Variants in SEMA6A observed in about 807,000 individuals in gnomAD.
SEMA6A encodes the protein semaphorin 6A.
Under a neutral mutation model 96.8 loss-of-function variants are expected in SEMA6A, and 25 were observed. That is an observed-to-expected ratio of 0.26 (90% CI 0.19 to 0.36). The LOEUF (loss-of-function observed/expected upper bound fraction) is 0.36. Among genes scored for constraint, SEMA6A ranks in the 10% least tolerant of loss-of-function variants. SEMA6A has a pLI of 1.00. For synonymous variants in SEMA6A, 612 were observed against 518.0 expected (o/e 1.18, Z -2.46); for missense variants, 1,363 against 1,323.1 (o/e 1.03, Z -0.47).
intron 1 of SEMA6A, among the ~76,000 whole-genome samples, chr5:116,523,620 A>G (rs980016003): frequency 8.5e-5 from 13 of 152,140 alleles, no homozygotes; most frequent in African/African-American, 3.1e-4. Flanking sequence ...CCTAGACAGC[A>G]GTTTCATATT....
intron 17 of SEMA6A, chr5:116,471,266 T>G (rs1701789523): frequency 6.6e-6 from 1 of 152,192 alleles, no homozygotes; most frequent in Non-Finnish European, 1.5e-5. Context: ...GTAAGTACCT[T>G]TCCTTTTGTA....
chr5:116,556,500 T>G (rs548269978), intron 1 of SEMA6A, among the ~76,000 whole-genome samples: 1 of 152,356 alleles, frequency 6.6e-6, no homozygotes, highest in South Asian at 2.1e-4. Context: ...GTGCATATTG[T>G]TTCATTTAAT....
At chr5:116,513,683 A>T (rs1023635624) in intron 1 of SEMA6A, among the ~76,000 whole-genome samples, 1 of 151,398 alleles carries the variant, frequency 6.6e-6, no homozygotes, top group African/African-American at 2.4e-5. Context: ...TACATAGGTA[A>T]GCGTGTGTCA....
chr5:116,547,063 T>G (rs999142561), intron 1 of SEMA6A, among the ~76,000 whole-genome samples: 5 of 152,222 alleles, frequency 3.3e-5, no homozygotes, highest in Non-Finnish European at 7.4e-5. Context: ...TGATTTCCAT[T>G]AAGTCATTTC....
At chr5:116,526,330 C>A (rs1364814755) in intron 1 of SEMA6A, among the ~76,000 whole-genome samples, 1 of 152,198 alleles carries the variant, frequency 6.6e-6, no homozygotes, top group African/African-American at 2.4e-5. Flanking sequence ...CTGATTCCCA[C>A]TGACAACTAA....
chr5:116,552,368 T>C (rs1308624670), intron 1 of SEMA6A, among the ~76,000 whole-genome samples: 3 of 152,132 alleles, frequency 2.0e-5, no homozygotes, highest in Admixed American at 2.0e-4. Context: ...GGGGAGAAGT[T>C]CTATTTTTCC....
chr5:116,529,868 T>C (rs1759385493), intron 1 of SEMA6A, among the ~76,000 whole-genome samples: 2 of 151,926 alleles, frequency 1.3e-5, no homozygotes, highest in African/African-American at 2.4e-5. Flanking sequence ...GGAGCATAGG[T>C]TGGAAGGTTA....
At chr5:116,530,705 A>T (rs2112838776) in intron 1 of SEMA6A, among the ~76,000 whole-genome samples, 2 of 152,308 alleles carry the variant, frequency 1.3e-5, no homozygotes, top group East Asian at 3.9e-4. Flanking sequence ...CCCCACATTT[A>T]TCTAAAATTT....
intron 1 of SEMA6A, chr5:116,562,553 C>T (rs57369318): frequency 4.7e-4 from 269 of 571,246 alleles, no homozygotes; most frequent in African/African-American, 4.7e-3. Flanking sequence ...CTGGAGACAA[C>T]GTGCAGAAAT....
chr5:116,521,473 G>A (rs761393789), intron 1 of SEMA6A, among the ~76,000 whole-genome samples: 25 of 152,214 alleles, frequency 1.6e-4, no homozygotes, highest in Non-Finnish European at 2.5e-4. Context: ...GTATCCTGCA[G>A]TGGGCTACAG....
intron 2 of SEMA6A, among the ~76,000 whole-genome samples, chr5:116,503,765 T>A (rs1043344990): frequency 1.3e-5 from 2 of 152,090 alleles, no homozygotes; most frequent in African/African-American, 2.4e-5. Flanking sequence ...TCCGCCCACC[T>A]CGGCCTCCCA....
chr5:116,556,337 C>A (rs1192693008), intron 1 of SEMA6A, among the ~76,000 whole-genome samples: 1 of 152,178 alleles, frequency 6.6e-6, no homozygotes, highest in Non-Finnish European at 1.5e-5. Flanking sequence ...TGGACACTAT[C>A]ATCTCCTCAT....
At chr5:116,541,032 T>C (rs1248787293) in intron 1 of SEMA6A, among the ~76,000 whole-genome samples, 1 of 152,236 alleles carries the variant, frequency 6.6e-6, no homozygotes, top group Non-Finnish European at 1.5e-5. Flanking sequence ...GATATTGTTC[T>C]GCCGCACTTG....
In SEMA6A at chr5:116,511,248, T is replaced by C. The variant is rs116720221; in HGVS notation, c.-38-6266A>G. On this transcript the variant is annotated intron_variant, in intron 1 of 18. Coordinates refer to ENST00000343348, the MANE Select transcript of SEMA6A (RefSeq NM_020796.5). Reference sequence around the variant, plus strand: ...AATACATAATACAATGTAAATGCTATGTAAATCATTGTTTCACTGTATTGC... The same window carrying C: ...AATACATAATACAATGTAAATGCTACGTAAATCATTGTTTCACTGTATTGC... Among the ~76,000 whole-genome samples, 619 of 152,340 alleles carry C rather than the reference T, an allele frequency of 4.1e-3. 3 individuals are homozygous for C. Among genetic ancestry groups the C allele is most frequent in the African/African-American group, 0.014 (590 of 41,582 alleles).
chr5:116,512,846 A>G (rs1409650604), intron 1 of SEMA6A, among the ~76,000 whole-genome samples: 6 of 152,308 alleles, frequency 3.9e-5, no homozygotes, highest in South Asian at 2.1e-4. Flanking sequence ...GCCTGAAAGT[A>G]TTGTGGCAAA....
In SEMA6A at chr5:116,446,907, A is replaced by C. The variant is rs1754250585; in HGVS notation, c.2799T>G (p.Thr933=). The change falls in exon 19 of 19, where the codon ACT becomes ACG. Residue 933 remains threonine, a synonymous_variant. Transcript: ENST00000343348. ...NSLTRSHQAT[T]LKRNNTNSSN... The stretch of plus-strand genomic sequence containing the variant: ...AGGAGTTAGTGTTGTTTCTTTTGAG[A>C]GTGGTGGCCTGGTGGCTTCTCGTGA... 1 of 1,613,818 alleles carries C rather than the reference A, an allele frequency of 6.2e-7. No homozygotes were observed. Among genetic ancestry groups the C allele is most frequent in the African/African-American group, 1.3e-5 (1 of 74,962 alleles).
At chr5:116,488,675 A>G (rs1757180796) in intron 8 of SEMA6A, among the ~76,000 whole-genome samples, 1 of 152,200 alleles carries the variant, frequency 6.6e-6, no homozygotes, top group African/African-American at 2.4e-5. Flanking sequence ...TTGTTGTGGC[A>G]TTGGTAGTTT....
chr5:116,559,752 A>G (rs1187164538), intron 1 of SEMA6A, among the ~76,000 whole-genome samples: 1 of 152,102 alleles, frequency 6.6e-6, no homozygotes. Context: ...CCCAGAGGTG[A>G]TACCTTGGAA....
chr5:116,507,167 CTGTTTTATA>C (rs1206785696), intron 1 of SEMA6A, among the ~76,000 whole-genome samples: 1 of 152,162 alleles, frequency 6.6e-6, no homozygotes, highest in African/African-American at 2.4e-5. Flanking sequence ...GGAAAAATAG[CTGTTTTATA>C]TGTCTTTCTA....
Sources: allele counts gnomAD v4.1 joint callset (sites outside exome capture counted in the v4.1 genomes callset), GRCh38; gene constraint gnomAD v4.1.1; transcripts MANE v1.5; gene names NCBI Gene and HGNC (gene_info 2026-07-23, HGNC 2026-07-21).